ZCCHC7: variants seen among roughly 807,000 people sequenced by gnomAD.
The protein encoded by ZCCHC7 is zinc finger CCHC domain-containing protein 7.
ZCCHC7 carries 35 observed loss-of-function variants against 52.0 expected under a neutral mutation model. That is an observed-to-expected ratio of 0.67 (90% CI 0.51 to 0.89). ZCCHC7 has a LOEUF of 0.89. Ranked by LOEUF, ZCCHC7 falls within the 40% of genes least tolerant of loss-of-function variation. ZCCHC7 has a pLI of 0.00. For missense variants in ZCCHC7, 574 were observed against 649.1 expected (o/e 0.88, Z 1.26); for synonymous variants, 217 against 221.5 (o/e 0.98, Z 0.18).
chr9:37,264,802 T>C (rs1235838260), intron 2 of ZCCHC7, among the ~76,000 whole-genome samples: 1 of 152,176 alleles, frequency 6.6e-6, no homozygotes, highest in Non-Finnish European at 1.5e-5. Context: ...TCTCTAGTCC[T>C]CTCCATAGCA....
intron 6 of ZCCHC7, among the ~76,000 whole-genome samples, chr9:37,340,834 C>T (rs1820590478): frequency 6.6e-6 from 1 of 151,986 alleles, no homozygotes; most frequent in Non-Finnish European, 1.5e-5. Flanking sequence ...TCCTATTAAG[C>T]CCTAGTACAT....
At chr9:37,224,112 C>G (rs1824970864) in intron 2 of ZCCHC7, among the ~76,000 whole-genome samples, 1 of 151,874 alleles carries the variant, frequency 6.6e-6, no homozygotes, top group South Asian at 2.1e-4. Context: ...GGGTCACAAA[C>G]AGTATATTAA....
intron 6 of ZCCHC7, among the ~76,000 whole-genome samples, chr9:37,334,758 A>G (rs1830580156): frequency 6.6e-6 from 1 of 152,028 alleles, no homozygotes; most frequent in South Asian, 2.1e-4. Context: ...TCTGGTGTTT[A>G]AGAAATACCG....
intron 2 of ZCCHC7, among the ~76,000 whole-genome samples, chr9:37,280,252 T>C (rs1449088308): frequency 6.6e-6 from 1 of 152,132 alleles, no homozygotes; most frequent in Non-Finnish European, 1.5e-5. Flanking sequence ...TTAAAGGATC[T>C]CCTCATCATA....
At chr9:37,164,989 C>T (rs1255876480) in intron 2 of ZCCHC7, among the ~76,000 whole-genome samples, 1 of 152,176 alleles carries the variant, frequency 6.6e-6, no homozygotes, top group Non-Finnish European at 1.5e-5. Context: ...TTTAGTATTC[C>T]AGATCGTGAA....
chr9:37,337,420 A>G (rs1176260881), intron 6 of ZCCHC7, among the ~76,000 whole-genome samples: 1 of 38,142 alleles, frequency 2.6e-5, no homozygotes, highest in African/African-American at 9.4e-5. Flanking sequence ...CCCCCCAAAA[A>G]AAATGAGTTG....
chr9:37,312,643 C>T (rs1440016944), intron 5 of ZCCHC7, among the ~76,000 whole-genome samples: 4 of 152,166 alleles, frequency 2.6e-5, no homozygotes, highest in Admixed American at 6.5e-5. Context: ...GAGGGCTGGG[C>T]GCAGTGGCTC....
At chr9:37,301,170 C>A (rs545427774) in intron 2 of ZCCHC7, among the ~76,000 whole-genome samples, 18 of 152,260 alleles carry the variant, frequency 1.2e-4, no homozygotes, top group Admixed American at 5.9e-4. Context: ...TTTCCTCTAC[C>A]AAGCTGAGTT....
chr9:37,270,867 A>G (rs1827377222), intron 2 of ZCCHC7, among the ~76,000 whole-genome samples: 1 of 151,670 alleles, frequency 6.6e-6, no homozygotes, highest in African/African-American at 2.4e-5. Context: ...GTTCATTCTG[A>G]AGAAACAGAG....
At chr9:37,274,175 T>G (rs1345259505) in intron 2 of ZCCHC7, among the ~76,000 whole-genome samples, 1 of 152,150 alleles carries the variant, frequency 6.6e-6, no homozygotes. Context: ...TTATAATCAT[T>G]TGTGTGCTTG....
intron 2 of ZCCHC7, 46 bp from the exon 3 acceptor site, chr9:37,302,142 T>A (rs756856509): frequency 6.7e-7 from 1 of 1,488,792 alleles, no homozygotes; most frequent in Non-Finnish European, 9.3e-7. Context: ...AATCTATAAG[T>A]CCTTTAAAAG....
intron 2 of ZCCHC7, among the ~76,000 whole-genome samples, chr9:37,272,491 TAAAAAAAAAA>T: frequency 1.0e-5 from 1 of 97,822 alleles, no homozygotes; most frequent in South Asian, 3.1e-4. Context: ...AGCTGTGTGG[TAAAAAAAAAA>T]AAAAAAAAAA....
intron 2 of ZCCHC7, among the ~76,000 whole-genome samples, chr9:37,163,094 G>A (rs1588406372): frequency 6.6e-6 from 1 of 152,074 alleles, no homozygotes; most frequent in East Asian, 1.9e-4. Context: ...CCAGCCACTC[G>A]GGAGGCTGAG....
chr9:37,278,034 G>GTGTGTGTGTGTTTTGTTTTGTTT (rs74182939), intron 2 of ZCCHC7, among the ~76,000 whole-genome samples: 2 of 142,860 alleles, frequency 1.4e-5, no homozygotes, highest in African/African-American at 5.2e-5. Flanking sequence ...GTGTGTGTGT[G>GTGTGTGTGTGTTTTGTTTTGTTT]TGTTTTGTTT....
At chr9:37,322,747 T>G (rs1325030196) in intron 5 of ZCCHC7, among the ~76,000 whole-genome samples, 1 of 151,610 alleles carries the variant, frequency 6.6e-6, no homozygotes, top group Admixed American at 6.6e-5. Context: ...ATTTTATTCA[T>G]TTTGTTCATT....
chr9:37,275,578 A>G (rs1827645018), intron 2 of ZCCHC7, among the ~76,000 whole-genome samples: 1 of 152,042 alleles, frequency 6.6e-6, no homozygotes, highest in Non-Finnish European at 1.5e-5. Context: ...GTAGGAGTAG[A>G]ATTGTTTTTC....
At chr9:37,305,018 G>A (rs1829233610) in intron 4 of ZCCHC7, among the ~76,000 whole-genome samples, 1 of 152,182 alleles carries the variant, frequency 6.6e-6, no homozygotes, top group Admixed American at 6.5e-5. Context: ...ATTAATGTAA[G>A]TTACGTTAAG....
chr9:37,134,041 T>C (rs1842901922), intron 2 of ZCCHC7, among the ~76,000 whole-genome samples: 1 of 152,136 alleles, frequency 6.6e-6, no homozygotes. Flanking sequence ...ACTATATATA[T>C]ATATGTATAT....
intron 2 of ZCCHC7, among the ~76,000 whole-genome samples, chr9:37,294,198 C>T (rs1330730207): frequency 6.6e-6 from 1 of 152,024 alleles, no homozygotes; most frequent in Non-Finnish European, 1.5e-5. Flanking sequence ...GTGGCTTAGC[C>T]CTCAGGGGAT....
Sources: allele counts gnomAD v4.1 joint callset (sites outside exome capture counted in the v4.1 genomes callset), GRCh38; gene constraint gnomAD v4.1.1; transcripts MANE v1.5; gene names NCBI Gene and HGNC (gene_info 2026-07-23, HGNC 2026-07-21).